RIPOR3: variants seen among roughly 807,000 people sequenced by gnomAD.
The protein encoded by RIPOR3 is RIPOR family member 3, also known as family with sequence similarity 65 member C.
RIPOR3 carries 95 observed loss-of-function variants against 114.3 expected under a neutral mutation model. That is an observed-to-expected ratio of 0.83 (90% CI 0.70 to 0.99). The LOEUF is 0.99. Ranked by LOEUF, RIPOR3 falls within the 50% of genes least tolerant of loss-of-function variation. RIPOR3 has a pLI of 0.00. For missense variants in RIPOR3, 1,252 were observed against 1,266.9 expected (o/e 0.99, Z 0.18); for synonymous variants, 575 against 543.8 (o/e 1.06, Z -0.80).
chr20:50,681,935 C>T (rs1486699818), intron 1 of RIPOR3, among the ~76,000 whole-genome samples: 3 of 152,214 alleles, frequency 2.0e-5, no homozygotes, highest in African/African-American at 7.2e-5. Context: ...TGATGTCAGT[C>T]AAGATCTAGG....
Position 50,586,365 on chromosome 20 carries a change from T to G in RIPOR3, c.*867A>C, listed in dbSNP as rs1403711308. 6.6e-6 allele frequency: 1 copy of G among 152,314 alleles called. No homozygotes were observed. Among genetic ancestry groups the G allele is most frequent in the Non-Finnish European group, 1.5e-5 (1 of 68,114 alleles). The allele number at this position is 152,314 out of a possible 1,614,324, so 9.4% of individuals were successfully genotyped here. On this transcript the variant is annotated 3_prime_UTR_variant, in exon 22 of 22. Coordinates refer to ENST00000327979, the MANE Select transcript of RIPOR3 (RefSeq NM_001290268.2). ...GACTTAAATAGGAAACTAATTTTTC[T>G]TTCTTTAAAGCAATTGCGTTCTTCA...
chr20:50,619,464 G>T (rs911334988), intron 3 of RIPOR3, among the ~76,000 whole-genome samples: 1 of 146,948 alleles, frequency 6.8e-6, no homozygotes, highest in Non-Finnish European at 1.5e-5. Flanking sequence ...AAAAAAATTT[G>T]TGGAGTGACT....
At chr20:50,650,816 CTAACCCG>C (rs1456999589) in intron 1 of RIPOR3, among the ~76,000 whole-genome samples, 2 of 152,184 alleles carry the variant, frequency 1.3e-5, no homozygotes, top group African/African-American at 2.4e-5. Context: ...CTCGACTTCT[CTAACCCG>C]TAATACTCAC....
Position 50,608,454 on chromosome 20 carries a change from C to A in RIPOR3, c.891G>T (p.Pro297=), listed in dbSNP as rs754548399. The A allele has an allele frequency of 5.6e-6, 9 of 1,613,872 alleles. No homozygotes were observed. Among genetic ancestry groups the A allele is most frequent in the Admixed American group, 1.7e-5 (1 of 59,994 alleles). The change falls in exon 11 of 22, where the codon CCG becomes CCT. Residue 297 remains proline, a synonymous_variant. Transcript: ENST00000327979. ...CDIADFFTTR[P]QVIVVDITEL... The stretch of plus-strand genomic sequence containing the variant: ...CCGTGATGTCCACCACGATGACCTG[C>A]GGCCGCGTCGTGAAGAAGTCGGCGA...
intron 2 of RIPOR3, among the ~76,000 whole-genome samples, chr20:50,623,362 G>A (rs990860753): frequency 1.3e-5 from 2 of 152,030 alleles, no homozygotes; most frequent in Non-Finnish European, 2.9e-5. Flanking sequence ...GGGGATTAGA[G>A]AACAGAGAAC....
Position 50,602,404 on chromosome 20 carries a change from C to T in RIPOR3, c.1327G>A (p.Glu443Lys). ...PLTFGPHASI[E>K]EEAREDPLPP... ...AGGGGGTCCTCCCGAGCCTCCTCTT[C>T]AATGGAGGCGTGGGGACCGAAGGTC... Residue 443 changes from glutamate to lysine, a missense_variant, in exon 13 of 22, where the codon GAA (glutamate) becomes AAA (lysine). Coordinates refer to ENST00000327979, the MANE Select transcript of RIPOR3 (RefSeq NM_001290268.2). This position sits in a 1 kb window ranked among gnomAD's most constrained non-coding sequence, Gnocchi z 4.3. 1 of 1,610,136 alleles carries T rather than the reference C, an allele frequency of 6.2e-7. No homozygotes were observed. Among genetic ancestry groups the T allele is most frequent in the Non-Finnish European group, 8.5e-7 (1 of 1,178,038 alleles).
intron 1 of RIPOR3, among the ~76,000 whole-genome samples, chr20:50,678,312 C>A (rs541271868): frequency 1.3e-5 from 2 of 152,198 alleles, no homozygotes; most frequent in Non-Finnish European, 2.9e-5. Context: ...CTTGGCCCAA[C>A]CCTCTGAAAC....
chr20:50,644,918 C>A (rs895523849), intron 1 of RIPOR3, among the ~76,000 whole-genome samples: 10 of 151,112 alleles, frequency 6.6e-5, no homozygotes, highest in African/African-American at 2.0e-4. Context: ...TGGCTCATTG[C>A]AACCTCCACC....
intron 1 of RIPOR3, among the ~76,000 whole-genome samples, chr20:50,690,640 T>A (rs933982288): frequency 1.3e-5 from 2 of 152,106 alleles, no homozygotes; most frequent in African/African-American, 4.8e-5. Flanking sequence ...CCAAAGCAAG[T>A]CAGAAAAACC....
At position 50,662,717 on chromosome 20, in the gene RIPOR3, C is replaced by T. The variant is rs1186024200; in HGVS notation, c.3+28409G>A. On this transcript the variant is annotated intron_variant, in intron 1 of 21. Transcript: ENST00000327979. ...GGGAGGATCCCAGTCCTGGCCCCAC[C>T]ACTCTCTGGCTGGTGACACGGGGGA... Among the ~76,000 whole-genome samples the T allele has an allele frequency of 1.6e-3, 5 of 3,096 alleles. No homozygotes were observed. In the South Asian group the frequency reaches 0.19, roughly 116 times the overall value. 2.0% of individuals were successfully genotyped at this position (3,096 alleles called of 152,430 possible).
chr20:50,691,227 G>T lies in RIPOR3; in HGVS notation c.-99C>A, dbSNP rs2087202405. On this transcript the variant is annotated 5_prime_UTR_variant, in exon 1 of 22. Transcript: ENST00000327979. Reference sequence around the variant, plus strand: ...GCAAGCGTCTGCTCCCATCTGGCCCGGGACTCCCGGACTCGAGCTAGGGCT... The same window carrying T: ...GCAAGCGTCTGCTCCCATCTGGCCCTGGACTCCCGGACTCGAGCTAGGGCT... 7.8e-7 allele frequency: 1 copy of T among 1,281,788 alleles called. No homozygotes were observed. The highest frequency in any genetic ancestry group is 1.0e-6 in the Non-Finnish European group (1 of 982,242). The allele number at this position is 1,281,788 out of a possible 1,614,324, so 79.4% of individuals were successfully genotyped here.
At chr20:50,627,104 C>T (rs1173328759) in intron 2 of RIPOR3, among the ~76,000 whole-genome samples, 1 of 151,646 alleles carries the variant, frequency 6.6e-6, no homozygotes, top group Admixed American at 6.6e-5. Flanking sequence ...ATTGCTTGAA[C>T]CTGGAAGGTG....
chr20:50,641,847 T>G (rs231580), intron 1 of RIPOR3, among the ~76,000 whole-genome samples: 38,774 of 152,172 alleles, frequency 0.25, 5,438 homozygotes, highest in African/African-American at 0.38. Context: ...GCAGGACCTC[T>G]CACTTGACCT....
At chr20:50,613,225 A>AGG (rs1487822752) in intron 4 of RIPOR3, among the ~76,000 whole-genome samples, 2 of 152,174 alleles carry the variant, frequency 1.3e-5, no homozygotes, top group Non-Finnish European at 2.9e-5. Flanking sequence ...AGGTGAGTGG[A>AGG]TCACCTGAGG....
intron 1 of RIPOR3, among the ~76,000 whole-genome samples, chr20:50,673,971 C>G (rs949313968): frequency 6.6e-6 from 1 of 152,236 alleles, no homozygotes; most frequent in African/African-American, 2.4e-5. Context: ...AATATACACC[C>G]CTGGCAAGCT....
At chr20:50,643,657 G>GTA (rs978715776) in intron 1 of RIPOR3, among the ~76,000 whole-genome samples, 7 of 151,696 alleles carry the variant, frequency 4.6e-5, no homozygotes, top group African/African-American at 1.7e-4. Context: ...GAGCATGGTG[G>GTA]TATGTACTTG....
chr20:50,621,034 A>G, intron 2 of RIPOR3: 1 of 480,948 alleles, frequency 2.1e-6, no homozygotes, highest in Non-Finnish European at 4.1e-6. Flanking sequence ...AGCCGAGCCA[A>G]TGTCCTGGCC....
chr20:50,686,258 G>A (rs2087019410), intron 1 of RIPOR3, among the ~76,000 whole-genome samples: 1 of 151,726 alleles, frequency 6.6e-6, no homozygotes, highest in Admixed American at 6.6e-5. Context: ...GGGTTTCACT[G>A]TGTTAGCCAG....
In RIPOR3 at chr20:50,602,419, G is replaced by A; in HGVS notation, c.1312C>T (p.Pro438Ser). 1.9e-6 allele frequency: 3 copies of A among 1,603,666 alleles called. No individual in the cohort carries two copies. Among genetic ancestry groups the A allele is most frequent in the Non-Finnish European group, 2.6e-6 (3 of 1,174,158 alleles). Reference protein sequence around the residue: ...DVGFLPLTFGPHASIEEEARE... With the variant: ...DVGFLPLTFGSHASIEEEARE... ...GCCTCCTCTTCAATGGAGGCGTGGG[G>A]ACCGAAGGTCAAGGGCAGGAAGCCC... The change falls in exon 13 of 22, where the codon CCC becomes TCC. Residue 438 changes from proline (P) to serine (S), a missense_variant. By Grantham distance (74) the Pro-to-Ser change is moderately conservative. Coordinates refer to ENST00000327979, the MANE Select transcript of RIPOR3 (RefSeq NM_001290268.2). This position sits in a 1 kb window ranked among gnomAD's most constrained non-coding sequence, Gnocchi z 4.3.
Sources: gnomAD v4.1 joint callset for allele counts (sites outside exome capture counted in the v4.1 genomes callset) on GRCh38, gnomAD v4.1.1 for gene constraint, Gnocchi (gnomAD v3.1) non-coding constraint, MANE v1.5 for transcripts, NCBI Gene and HGNC (gene_info 2026-07-23, HGNC 2026-07-21) for gene names.